Variants in ALCAM observed in about 807,000 individuals in gnomAD.
ALCAM encodes the protein CD166 antigen.
In ALCAM, 30 loss-of-function variants were observed where a neutral mutation model predicts 70.9. That is an observed-to-expected ratio of 0.42 (90% CI 0.32 to 0.57). ALCAM has a LOEUF of 0.57. Among genes scored for constraint, ALCAM ranks in the 20% least tolerant of loss-of-function variants. The probability of loss-of-function intolerance (pLI) is 0.11; values close to 1 mark genes in which losing one functional copy is unlikely to be tolerated. For synonymous variants in ALCAM, 249 were observed against 242.5 expected, an observed-to-expected ratio of 1.03 and a Z score of -0.25; for missense variants, 591 against 695.1, an observed-to-expected ratio of 0.85 and a Z score of 1.68.
intron 1 of ALCAM, among the ~76,000 whole-genome samples, chr3:105,505,450 A>G (rs1337896790): frequency 1.3e-5 from 2 of 152,176 alleles, no homozygotes; most frequent in Non-Finnish European, 2.9e-5. Context: ...ATCCACGCCC[A>G]TAATCCAGTC....
At chr3:105,469,943 A>T (rs9637377) in intron 1 of ALCAM, among the ~76,000 whole-genome samples, 28,127 of 150,602 alleles carry the variant, frequency 0.19, 2,808 homozygotes, top group East Asian at 0.37. Flanking sequence ...CCAGTTTTCA[A>T]ATCTATAAAC....
intron 6 of ALCAM, among the ~76,000 whole-genome samples, chr3:105,538,806 A>G (rs1940040115): frequency 6.6e-6 from 1 of 152,188 alleles, no homozygotes; most frequent in South Asian, 2.1e-4. Flanking sequence ...CCAGAAAAAC[A>G]AATAAGAAAT....
At chr3:105,417,466 T>G (rs1312989335) in intron 1 of ALCAM, among the ~76,000 whole-genome samples, 1 of 151,406 alleles carries the variant, frequency 6.6e-6, no homozygotes, top group Admixed American at 6.6e-5. Flanking sequence ...ATATAAATAA[T>G]TGTTGAATGA....
chr3:105,460,198 G>A (rs1037243701), intron 1 of ALCAM, among the ~76,000 whole-genome samples: 8 of 151,850 alleles, frequency 5.3e-5, no homozygotes, highest in African/African-American at 1.2e-4. Flanking sequence ...CCCTTTTGTC[G>A]TTATGAAATC....
chr3:105,490,250 C>G (rs1938544184), intron 1 of ALCAM, among the ~76,000 whole-genome samples: 1 of 152,184 alleles, frequency 6.6e-6, no homozygotes, highest in Admixed American at 6.5e-5. Context: ...GAAGTGTCTT[C>G]CATTCCTACC....
intron 1 of ALCAM, among the ~76,000 whole-genome samples, chr3:105,379,812 G>A (rs1398210136): frequency 6.6e-6 from 1 of 151,602 alleles, no homozygotes; most frequent in East Asian, 1.9e-4. Context: ...GGATATTTTG[G>A]AAAGTGAATA....
rs987334092 is a variant in ALCAM at position 105,520,732 on chromosome 3, A to T, written c.174+565A>T. On this transcript the variant is annotated intron_variant, in intron 2 of 15. Transcript: ENST00000306107. ...AAATCTTCTCAGGTATGAAGGTACA[A>T]GTGGGTCTGAAAATGGAGGGTAGAG... 5.9e-5 allele frequency among the ~76,000 whole-genome samples: 9 copies of T among 152,294 alleles called. 1 individual carries two copies. The highest frequency in any genetic ancestry group is 2.6e-4 in the Admixed American group (4 of 15,302).
intron 1 of ALCAM, among the ~76,000 whole-genome samples, chr3:105,434,433 C>T (rs1576160616): frequency 6.6e-6 from 1 of 152,046 alleles, no homozygotes; most frequent in Non-Finnish European, 1.5e-5. Context: ...TAAAACTTAG[C>T]TTTGCTAACA....
chr3:105,375,912 C>T (rs747035088), intron 1 of ALCAM, among the ~76,000 whole-genome samples: 8 of 152,140 alleles, frequency 5.3e-5, no homozygotes, highest in Non-Finnish European at 7.3e-5. Flanking sequence ...AGACGCTTAT[C>T]GCGGAAACTT....
At chr3:105,417,326 T>G (rs953299515) in intron 1 of ALCAM, among the ~76,000 whole-genome samples, 1 of 151,884 alleles carries the variant, frequency 6.6e-6, no homozygotes, top group Non-Finnish European at 1.5e-5. Flanking sequence ...CTGTGTTGTA[T>G]TCTCTTATTC....
Position 105,545,326 on chromosome 3 carries a change from A to G in ALCAM, c.1095A>G (p.Val365=). The change falls in exon 9 of 16, where the codon GTA becomes GTG. Residue 365 remains valine (V), a synonymous_variant. Transcript: ENST00000306107. The stretch of plus-strand genomic sequence containing the variant: ...CTGCTAGCAGGAATGCAACTGTGGT[A>G]TGGATGAAAGTAAGTAATATTTTTG... ...TISASRNATV[V]WMKDNIRLRS... 1 of 1,605,786 alleles carries G rather than the reference A, an allele frequency of 6.2e-7. No homozygotes were observed. The highest frequency in any genetic ancestry group is 1.3e-5 in the African/African-American group (1 of 74,606).
At chr3:105,466,835 G>GT in intron 1 of ALCAM, among the ~76,000 whole-genome samples, 1 of 151,416 alleles carries the variant, frequency 6.6e-6, no homozygotes, top group South Asian at 2.1e-4. Context: ...GAGACTCAGT[G>GT]TCTAGTTTCA....
chr3:105,412,717 G>C (rs1936420146), intron 1 of ALCAM, among the ~76,000 whole-genome samples: 4 of 152,156 alleles, frequency 2.6e-5, no homozygotes, highest in African/African-American at 9.6e-5. Flanking sequence ...ATGACGTTTT[G>C]TTTAACTTAA....
intron 1 of ALCAM, among the ~76,000 whole-genome samples, chr3:105,473,449 T>C (rs1937996818): frequency 6.6e-6 from 1 of 151,650 alleles, no homozygotes; most frequent in Non-Finnish European, 1.5e-5. Context: ...GTTAGATCCT[T>C]ACAAACTATA....
chr3:105,539,308 T>G (rs1224825356), intron 6 of ALCAM, among the ~76,000 whole-genome samples: 1 of 152,122 alleles, frequency 6.6e-6, no homozygotes, highest in East Asian at 1.9e-4. Flanking sequence ...TATTGAGTGC[T>G]GAAGCATACC....
At position 105,552,182 on chromosome 3, in the gene ALCAM, G is replaced by A; in HGVS notation, c.1546G>A (p.Asp516Asn). 1 of 1,603,704 alleles carries A rather than the reference G, an allele frequency of 6.2e-7. No individual in the cohort carries two copies. The highest frequency in any genetic ancestry group is 8.5e-7 in the Non-Finnish European group (1 of 1,175,380). Residue 516 changes from aspartate (D) to asparagine (N), a missense_variant and splice_region_variant, in exon 13 of 16, where the codon GAT becomes AAT. Physicochemically the swap from Asp to Asn is conservative, Grantham distance 23. Coordinates refer to ENST00000306107, the MANE Select transcript of ALCAM (RefSeq NM_001627.4). ...PEHDEADEISDENREKVNDQA... is the reference protein window; with the variant it reads ...PEHDEADEISNENREKVNDQA... ...ACACGATGAGGCAGACGAGATAAGT[G>A]GTAGGTACTATGCTGCCGACTCTTC...
Position 105,402,945 on chromosome 3 carries a change from T to C in ALCAM, c.73+35464T>C, listed in dbSNP as rs1193604986. 9.4e-5 allele frequency among the ~76,000 whole-genome samples: 14 copies of C among 149,502 alleles called. No homozygotes were observed. The East Asian group carries it at 1.2e-3, about 13-fold the overall frequency. ...AGGATTGCAGCTGATGCGCTTTTTT[T>C]TTTTTTTTTTTTTTTTCTTAAATGG... On this transcript the variant is annotated intron_variant, in intron 1 of 15. Coordinates refer to ENST00000306107, the MANE Select transcript of ALCAM (RefSeq NM_001627.4).
intron 1 of ALCAM, among the ~76,000 whole-genome samples, chr3:105,367,936 G>T (rs1188127890): frequency 6.6e-6 from 1 of 151,970 alleles, no homozygotes. Context: ...CTTCCCCTTG[G>T]TGAGCCGAGG....
At chr3:105,460,098 A>C (rs1437869988) in intron 1 of ALCAM, among the ~76,000 whole-genome samples, 2 of 152,078 alleles carry the variant, frequency 1.3e-5, no homozygotes. Flanking sequence ...CAGTTTTGAC[A>C]GTATGTGGTG....
Sources: allele counts gnomAD v4.1 joint callset (sites outside exome capture counted in the v4.1 genomes callset), GRCh38; gene constraint gnomAD v4.1.1; transcripts MANE v1.5; gene names NCBI Gene and HGNC (gene_info 2026-07-23, HGNC 2026-07-21).